The following FRMPD4 variants were observed in gnomAD, a reference collection of about 807,000 sequenced individuals.
The protein encoded by FRMPD4 is FERM and PDZ domain containing 4.
In FRMPD4, 22 loss-of-function variants were observed where a neutral mutation model predicts 94.1. The observed-to-expected ratio is 0.23, with a 90% CI of 0.17 to 0.33. The LOEUF (loss-of-function observed/expected upper bound fraction) is 0.33, where lower values mean the gene tolerates loss of function less well. FRMPD4 is among the 10% of genes least tolerant of loss of function. FRMPD4 has a pLI of 1.00. For synonymous variants in FRMPD4, 631 were observed against 548.6 expected, an observed-to-expected ratio of 1.15 and a Z score of -2.10; for missense variants, 1,111 against 1,339.9, an observed-to-expected ratio of 0.83 and a Z score of 2.67.
At chrX:12,374,520 G>C (rs1207737973) in intron 1 of FRMPD4, among the ~76,000 whole-genome samples, 3 of 111,692 alleles carry the variant, frequency 2.7e-5, no homozygotes, top group Non-Finnish European at 5.6e-5. Context: ...AACTTAAGGG[G>C]ATGCCAAATA....
intron 3 of FRMPD4, among the ~76,000 whole-genome samples, chrX:12,070,697 A>G (rs1330841231): frequency 2.7e-5 from 3 of 111,840 alleles, no homozygotes; most frequent in East Asian, 2.8e-4. Flanking sequence ...ACTACTGGGG[A>G]AAAAAAATAG....
intron 1 of FRMPD4, among the ~76,000 whole-genome samples, chrX:12,493,673 G>A (rs910579731): frequency 7.1e-5 from 8 of 112,029 alleles, no homozygotes; most frequent in African/African-American, 2.6e-4. Flanking sequence ...TCCCTATTAG[G>A]CTAGTTATAC....
At position 12,086,421 on chromosome X, in the gene FRMPD4, T is replaced by G. The variant is rs2055111302; in HGVS notation, c.95+208403T>G. Among the ~76,000 whole-genome samples, 3 of 112,139 alleles carry G rather than the reference T, an allele frequency of 2.7e-5. No individual in the cohort carries two copies. In the South Asian group the frequency reaches 1.1e-3, roughly 42 times the overall value. ...CTCAAAGAACACATCTGAAAAAATATCGAGGCTTTCTATTTAAAAGTTTAT... is the reference window on the plus strand; with the variant it reads ...CTCAAAGAACACATCTGAAAAAATAGCGAGGCTTTCTATTTAAAAGTTTAT... On this transcript the variant is annotated intron_variant, in intron 3 of 18. Coordinates refer to the FRMPD4 transcript ENST00000640291.
At chrX:12,070,353 A>G (rs1233628750) in intron 3 of FRMPD4, among the ~76,000 whole-genome samples, 1 of 111,915 alleles carries the variant, frequency 8.9e-6, no homozygotes, top group African/African-American at 3.2e-5. Context: ...TTTTGATCCA[A>G]AAATTTAAAA....
chrX:11,987,098 TAAAAA>T (rs35377550), intron 3 of FRMPD4, among the ~76,000 whole-genome samples: 1 of 21,853 alleles, frequency 4.6e-5, no homozygotes, highest in African/African-American at 3.2e-4. Flanking sequence ...AAAGACACAT[TAAAAA>T]AAAAAAAAAA....
intron 3 of FRMPD4, among the ~76,000 whole-genome samples, chrX:12,065,884 C>A (rs1303807079): frequency 8.9e-6 from 1 of 111,754 alleles, no homozygotes; most frequent in African/African-American, 3.3e-5. Flanking sequence ...CTATATAAGT[C>A]TCATTTATGT....
At chrX:12,008,026 A>T (rs189747894) in intron 3 of FRMPD4, among the ~76,000 whole-genome samples, 9 of 111,889 alleles carry the variant, frequency 8.0e-5, no homozygotes, top group Non-Finnish European at 1.1e-4. Context: ...GCAGGGCACC[A>T]GAAATATACT....
chrX:11,976,255 A>C (rs1182618136), intron 3 of FRMPD4, among the ~76,000 whole-genome samples: 1 of 112,310 alleles, frequency 8.9e-6, no homozygotes, highest in Admixed American at 9.4e-5. Flanking sequence ...AATAACCTGT[A>C]GCTTATCACA....
chrX:12,268,016 C>T (rs937446130), intron 1 of FRMPD4, among the ~76,000 whole-genome samples: 1 of 112,717 alleles, frequency 8.9e-6, no homozygotes, highest in Non-Finnish European at 1.9e-5. Flanking sequence ...CCCTTACTTA[C>T]GCAATTTGGA....
At chrX:11,899,498 TAGAG>T (rs2053922378) in intron 3 of FRMPD4, among the ~76,000 whole-genome samples, 2 of 110,813 alleles carry the variant, frequency 1.8e-5, no homozygotes, top group East Asian at 2.8e-4. Context: ...TTTCCTCTCA[TAGAG>T]AGAAGGATTA....
intron 1 of FRMPD4, among the ~76,000 whole-genome samples, chrX:12,365,297 C>T (rs2056058021): frequency 9.0e-6 from 1 of 111,646 alleles, no homozygotes. Context: ...TTCTGTGGGA[C>T]CTTGGGCCGG....
At chrX:12,683,450 A>T (rs753825730) in intron 5 of FRMPD4, 33 bp from the exon 6 acceptor site, 1 of 717,562 alleles carries the variant, frequency 1.4e-6, no homozygotes, top group Non-Finnish European at 2.2e-6. Flanking sequence ...TTATGTTACC[A>T]GTAATCAGAT....
At chrX:12,514,767 C>T (rs1420219606) in intron 2 of FRMPD4, among the ~76,000 whole-genome samples, 1 of 111,852 alleles carries the variant, frequency 8.9e-6, no homozygotes, top group Admixed American at 9.4e-5. Context: ...CAATTGTTTG[C>T]ATTAGTTTCA....
intron 4 of FRMPD4, among the ~76,000 whole-genome samples, chrX:12,659,649 C>A (rs1457481512): frequency 8.9e-6 from 1 of 112,702 alleles, no homozygotes; most frequent in Admixed American, 9.4e-5. Context: ...ATCCCAAATG[C>A]CTGGCCCCAG....
intron 2 of FRMPD4, among the ~76,000 whole-genome samples, chrX:12,598,463 C>G (rs2059053895): frequency 8.9e-6 from 1 of 111,733 alleles, no homozygotes; most frequent in Non-Finnish European, 1.9e-5. Context: ...CATCCTCATT[C>G]TCTCCTGCCA....
intron 4 of FRMPD4, among the ~76,000 whole-genome samples, chrX:12,669,856 C>A (rs773592317): frequency 1.8e-5 from 2 of 112,125 alleles, no homozygotes; most frequent in African/African-American, 3.2e-5. Context: ...TTTAGCCCAG[C>A]AAAACTCATT....
chrX:12,322,151 A>T (rs116201347), intron 1 of FRMPD4, among the ~76,000 whole-genome samples: 82 of 111,593 alleles, frequency 7.3e-4, no homozygotes, highest in Middle Eastern at 4.7e-3. Context: ...GGGGATTGGA[A>T]GGAGAATGAA....
At chrX:11,928,799 A>T (rs142298809) in intron 3 of FRMPD4, among the ~76,000 whole-genome samples, 62 of 112,575 alleles carry the variant, frequency 5.5e-4, no homozygotes, top group African/African-American at 2.0e-3. Flanking sequence ...TATTATAAAG[A>T]CATATGCACA....
intron 1 of FRMPD4, among the ~76,000 whole-genome samples, chrX:12,493,668 A>G (rs1602021804): frequency 8.9e-6 from 1 of 112,111 alleles, no homozygotes; most frequent in African/African-American, 3.2e-5. Context: ...TGCTGTCCCT[A>G]TTAGGCTAGT....
Sources: allele counts gnomAD v4.1 joint callset (sites outside exome capture counted in the v4.1 genomes callset), GRCh38; gene constraint gnomAD v4.1.1; transcripts MANE v1.5; gene names NCBI Gene and HGNC (gene_info 2026-07-23, HGNC 2026-07-21).